Variants in DPPA2 observed in about 807,000 individuals in gnomAD.
The protein encoded by DPPA2 is developmental pluripotency-associated protein 2.
Under a neutral mutation model 36.2 loss-of-function variants are expected in DPPA2, and 26 were observed. That is an observed-to-expected ratio of 0.72 (90% CI 0.53 to 1.00). The LOEUF (loss-of-function observed/expected upper bound fraction) is 1.00. Among genes scored for constraint, DPPA2 ranks in the 50% least tolerant of loss-of-function variants. The probability of loss-of-function intolerance (pLI) is 0.00; values close to 1 mark genes in which losing one functional copy is unlikely to be tolerated. For synonymous variants in DPPA2, 113 were observed against 123.2 expected, an observed-to-expected ratio of 0.92 and a Z score of 0.55; for missense variants, 361 against 365.1, an observed-to-expected ratio of 0.99 and a Z score of 0.09.
intron 7 of DPPA2, among the ~76,000 whole-genome samples, chr3:109,303,469 C>A (rs1254154864): frequency 6.6e-6 from 1 of 151,356 alleles, no homozygotes; most frequent in Non-Finnish European, 1.5e-5. Flanking sequence ...CTCCCGGGTT[C>A]AGCGATTCTT....
At chr3:109,295,657 A>G (rs10154888) in intron 8 of DPPA2, among the ~76,000 whole-genome samples, 4,780 of 151,930 alleles carry the variant, frequency 0.031, 260 homozygotes, top group African/African-American at 0.11. Flanking sequence ...AGAGACAAAT[A>G]GCATATATAT....
In DPPA2 at chr3:109,293,950, TTCCAC is replaced by T. The variant is rs1295998157; in HGVS notation, c.*72_*76del. 6.6e-6 allele frequency: 1 copy of T among 152,198 alleles called. No individual in the cohort carries two copies. The highest frequency in any genetic ancestry group is 1.5e-5 in the Non-Finnish European group (1 of 68,040). 9.4% of individuals were successfully genotyped at this position (152,198 alleles called of 1,614,324 possible). On this transcript the variant is annotated 3_prime_UTR_variant, in exon 9 of 9. Transcript: ENST00000478945. ...GAGGATTCATTCAAATTGTCTCCTC[TTCCAC>T]TCCTTCGTAATAGGTTACATGATCT...
chr3:109,315,909 A>T (rs1230236786), intron 1 of DPPA2, among the ~76,000 whole-genome samples: 2 of 152,130 alleles, frequency 1.3e-5, no homozygotes, highest in Non-Finnish European at 2.9e-5. Flanking sequence ...AAAAAAATGT[A>T]GTCTGAAAAA....
At chr3:109,307,320 G>A (rs1006792271) in intron 6 of DPPA2, among the ~76,000 whole-genome samples, 1 of 151,844 alleles carries the variant, frequency 6.6e-6, no homozygotes, top group Non-Finnish European at 1.5e-5. Context: ...CAGGATACTT[G>A]GCCGGGAGCA....
chr3:109,314,871 C>T (rs768831040), intron 1 of DPPA2, among the ~76,000 whole-genome samples: 4 of 152,058 alleles, frequency 2.6e-5, no homozygotes, highest in East Asian at 1.9e-4. Flanking sequence ...CGAGATCAGC[C>T]TGGGAAACAT....
At chr3:109,304,380 G>A in intron 7 of DPPA2, 95 bp downstream of exon 7, 1 of 1,286,520 alleles carries the variant, frequency 7.8e-7, no homozygotes, top group Non-Finnish European at 1.1e-6. Context: ...AAGACAGCAT[G>A]TTCGCCCTCT....
intron 7 of DPPA2, among the ~76,000 whole-genome samples, chr3:109,303,694 G>C (rs918415988): frequency 1.8e-4 from 28 of 152,218 alleles, no homozygotes; most frequent in Non-Finnish European, 3.2e-4. Context: ...AGTTGAGTAG[G>C]CTAGATGGAT....
At chr3:109,298,049 T>G (rs1301209242) in intron 8 of DPPA2, among the ~76,000 whole-genome samples, 2 of 152,128 alleles carry the variant, frequency 1.3e-5, no homozygotes, top group African/African-American at 4.8e-5. Context: ...AGTTCAAGGC[T>G]GCAATGAGCT....
At chr3:109,303,384 T>G (rs1001887695) in intron 7 of DPPA2, among the ~76,000 whole-genome samples, 3 of 152,012 alleles carry the variant, frequency 2.0e-5, no homozygotes, top group Non-Finnish European at 4.4e-5. Context: ...TTTTTTTTTT[T>G]TTTGAGACGG....
At chr3:109,309,962 C>T (rs550407286) in intron 3 of DPPA2, among the ~76,000 whole-genome samples, 4 of 151,808 alleles carry the variant, frequency 2.6e-5, no homozygotes, top group Non-Finnish European at 4.4e-5. Context: ...GGCATGGTGG[C>T]TCATGCCTGT....
At position 109,309,162 on chromosome 3, in the gene DPPA2, G is replaced by T; in HGVS notation, c.342+8C>A. On this transcript the variant is annotated splice_region_variant and intron_variant, in intron 4 of 8. Coordinates refer to ENST00000478945, the MANE Select transcript of DPPA2 (RefSeq NM_138815.4). ...CCCAGCAGCAGATATTCACCCAAGTGTACTAACCTTGCCATTAGTACTCAA... is the reference window on the plus strand; with the variant it reads ...CCCAGCAGCAGATATTCACCCAAGTTTACTAACCTTGCCATTAGTACTCAA... 1 of 1,614,132 alleles carries T rather than the reference G, an allele frequency of 6.2e-7. No homozygotes were observed.
Position 109,309,231 on chromosome 3 carries a change from T to G in DPPA2, c.281A>C (p.Lys94Thr). Residue 94 changes from lysine to threonine, a missense_variant, in exon 4 of 9, where the codon AAG becomes ACG. Lys to Thr is a moderately conservative substitution (Grantham distance 78). Coordinates refer to ENST00000478945, the MANE Select transcript of DPPA2 (RefSeq NM_138815.4). ...GTCCCGCAAAGTGTCCCGACACACCTTATTAATGGGAGGCAAAATGGTCGG... is the reference window on the plus strand; with the variant it reads ...GTCCCGCAAAGTGTCCCGACACACCGTATTAATGGGAGGCAAAATGGTCGG... ...PLPTILPPINKVCRDTLRDWC... is the reference protein window; with the variant it reads ...PLPTILPPINTVCRDTLRDWC... 1 of 1,614,188 alleles carries G rather than the reference T, an allele frequency of 6.2e-7. No homozygotes were observed. The highest frequency in any genetic ancestry group is 8.5e-7 in the Non-Finnish European group (1 of 1,180,038).
intron 7 of DPPA2, among the ~76,000 whole-genome samples, chr3:109,303,945 T>C (rs1236648497): frequency 6.6e-6 from 1 of 151,742 alleles, no homozygotes; most frequent in Admixed American, 6.6e-5. Context: ...GAGACCAGCC[T>C]GGCCAACATA....
intron 7 of DPPA2, among the ~76,000 whole-genome samples, chr3:109,304,147 G>A (rs1259991248): frequency 6.6e-6 from 1 of 152,050 alleles, no homozygotes; most frequent in African/African-American, 2.4e-5. Flanking sequence ...GTGCATGCCT[G>A]TAATCCCAGC....
chr3:109,306,941 G>A (rs1322042324), intron 6 of DPPA2, among the ~76,000 whole-genome samples: 1 of 151,818 alleles, frequency 6.6e-6, no homozygotes, highest in Middle Eastern at 3.4e-3. Flanking sequence ...CAAAGTGCTG[G>A]GATTAAAAGC....
chr3:109,312,914 G>A (rs928411607), intron 2 of DPPA2, among the ~76,000 whole-genome samples: 2 of 152,196 alleles, frequency 1.3e-5, no homozygotes, highest in African/African-American at 4.8e-5. Flanking sequence ...AGGTGTTAAT[G>A]AAAGAGAAAA....
intron 6 of DPPA2, 26 bp from the exon 7 acceptor site, chr3:109,304,696 A>G (rs771783068): frequency 1.9e-6 from 3 of 1,555,272 alleles, no homozygotes; most frequent in East Asian, 4.6e-5. Flanking sequence ...AAATATAGAC[A>G]GCAAAAATCA....
At chr3:109,312,091 T>C (rs1707720894) in intron 3 of DPPA2, among the ~76,000 whole-genome samples, 1 of 152,110 alleles carries the variant, frequency 6.6e-6, no homozygotes, top group Non-Finnish European at 1.5e-5. Flanking sequence ...GCCTGTACTT[T>C]GGGAGACTGA....
At chr3:109,316,006 T>C (rs1707778564) in intron 1 of DPPA2, among the ~76,000 whole-genome samples, 1 of 152,180 alleles carries the variant, frequency 6.6e-6, no homozygotes, top group African/African-American at 2.4e-5. Flanking sequence ...AATCAGATCA[T>C]GGAGGGTGAG....
Sources: allele counts gnomAD v4.1 joint callset (sites outside exome capture counted in the v4.1 genomes callset), GRCh38; gene constraint gnomAD v4.1.1; transcripts MANE v1.5; gene names NCBI Gene and HGNC (gene_info 2026-07-23, HGNC 2026-07-21).